MMP17: variants seen among roughly 807,000 people sequenced by gnomAD.
The protein encoded by MMP17 is matrix metalloproteinase-17.
A neutral mutation model predicts 49.1 loss-of-function variants in MMP17; 54 were observed. The observed-to-expected ratio is 1.10, with a 90% CI of 0.88 to 1.38. The LOEUF is 1.38. Ranked by LOEUF, MMP17 falls within the 40% of genes most tolerant of loss-of-function variation. MMP17 has a pLI of 0.00. For missense variants in MMP17, 837 were observed against 853.7 expected, an observed-to-expected ratio of 0.98 and a Z score of 0.24; for synonymous variants, 397 against 383.1, an observed-to-expected ratio of 1.04 and a Z score of -0.42.
chr12:131,847,840 A>C (rs1887786896), intron 8 of MMP17, among the ~76,000 whole-genome samples: 1 of 152,156 alleles, frequency 6.6e-6, no homozygotes, highest in South Asian at 2.1e-4. Context: ...ACTTGAGAAC[A>C]TGTGGGTCTC....
intron 8 of MMP17, among the ~76,000 whole-genome samples, chr12:131,848,604 G>A (rs979297400): frequency 5.3e-5 from 8 of 152,004 alleles, no homozygotes; most frequent in African/African-American, 1.4e-4. Flanking sequence ...CCTCCCCTGG[G>A]CACCCCCACT....
chr12:131,834,008 C>T (rs1309088972), intron 1 of MMP17, among the ~76,000 whole-genome samples: 1 of 152,236 alleles, frequency 6.6e-6, no homozygotes, highest in Non-Finnish European at 1.5e-5. Context: ...TGTCAGACAA[C>T]AAGCATGGCT....
At position 131,828,673 on chromosome 12, in the gene MMP17, G is replaced by C; in HGVS notation, c.159+20G>C. On this transcript the variant is annotated intron_variant, in intron 1 of 9. Coordinates refer to ENST00000360564, the MANE Select transcript of MMP17 (RefSeq NM_016155.7). ...GGAGTGGTGAGCGCGCGGGCGGGAC[G>C]GGCGCGGAGCTCCTGGGCCGGAGCC... is the stretch of plus-strand genomic sequence containing the variant. The C allele has an allele frequency of 2.9e-6, 1 of 340,896 alleles. No homozygotes were observed. The allele number at this position is 340,896 out of a possible 1,614,324, so 21.1% of individuals were successfully genotyped here.
At chr12:131,836,493 G>A (rs1241706366) in intron 1 of MMP17, among the ~76,000 whole-genome samples, 2 of 148,812 alleles carry the variant, frequency 1.3e-5, no homozygotes, top group Admixed American at 6.7e-5. Flanking sequence ...TTTTTTTTAG[G>A]ATTTCTTTAA....
intron 1 of MMP17, among the ~76,000 whole-genome samples, chr12:131,835,758 C>T (rs779989738): frequency 3.3e-5 from 5 of 152,214 alleles, no homozygotes; most frequent in African/African-American, 4.8e-5. Context: ...TGAGGAAACT[C>T]CAGAGTGCTT....
At chr12:131,838,439 G>A (rs935327277) in intron 2 of MMP17, 112 bp downstream of exon 2, 3 of 1,476,210 alleles carry the variant, frequency 2.0e-6, no homozygotes, top group African/African-American at 1.4e-5. Context: ...ATGAACCTGG[G>A]TCCTGGCCTG....
chr12:131,829,488 G>A (rs1235099161), intron 1 of MMP17, among the ~76,000 whole-genome samples: 1 of 152,128 alleles, frequency 6.6e-6, no homozygotes, highest in Non-Finnish European at 1.5e-5. Flanking sequence ...GTGAACTCCC[G>A]CTGGGTTCGT....
chr12:131,851,063 C>T lies in MMP17; in HGVS notation c.1601C>T (p.Ala534Val), dbSNP rs538789299. The T allele has an allele frequency of 7.5e-6, 12 of 1,607,260 alleles. No individual in the cohort carries two copies. The highest frequency in any genetic ancestry group is 5.5e-5 in the South Asian group (5 of 90,168). ...TCACAGGCCGATGGATCTGTGGCTG[C>T]GGGCGTGGACGCGGCAGAGGGGCCC... ...GDSQADGSVA[A>V]GVDAAEGPRA... Residue 534 changes from alanine (A) to valine (V), a missense_variant, in exon 10 of 10, where the codon GCG (alanine) becomes GTG (valine). By Grantham distance (64) the Ala-to-Val change is moderately conservative. Coordinates refer to ENST00000360564, the MANE Select transcript of MMP17 (RefSeq NM_016155.7).
intron 5 of MMP17, among the ~76,000 whole-genome samples, chr12:131,842,008 C>A (rs1887442743): frequency 6.6e-6 from 1 of 152,244 alleles, no homozygotes; most frequent in Admixed American, 6.5e-5. Flanking sequence ...CACCTCTGCG[C>A]CCCAGACACT....
chr12:131,836,035 C>T (rs747815037), intron 1 of MMP17, among the ~76,000 whole-genome samples: 2 of 152,196 alleles, frequency 1.3e-5, no homozygotes, highest in Non-Finnish European at 2.9e-5. Context: ...ACCCCCAAGG[C>T]CCCTCCAGAG....
chr12:131,837,166 G>C (rs1345232980), intron 1 of MMP17, among the ~76,000 whole-genome samples: 1 of 152,216 alleles, frequency 6.6e-6, no homozygotes, highest in Non-Finnish European at 1.5e-5. Flanking sequence ...CCACGTCCTG[G>C]CTCACGTCCT....
intron 9 of MMP17, 27 bp downstream of exon 9, chr12:131,850,086 A>T: frequency 6.3e-7 from 1 of 1,581,054 alleles, no homozygotes. Context: ...GGGACGGGCC[A>T]TGCGGCCTTG....
At chr12:131,844,457 G>A in intron 6 of MMP17, 1 of 299,984 alleles carries the variant, frequency 3.3e-6, no homozygotes, top group Non-Finnish European at 6.2e-6. Context: ...TTCACTGCCG[G>A]GGCCCACATC....
chr12:131,840,139 T>A (rs28423021), intron 3 of MMP17: 4,411 of 162,080 alleles, frequency 0.027, 214 homozygotes, highest in African/African-American at 0.099. Context: ...GGACGTGAAT[T>A]TGGCGGGACA....
chr12:131,838,084 TAGGGGGCTGGG>T, intron 1 of MMP17, 100 bp from the exon 2 acceptor site: 1 of 1,360,152 alleles, frequency 7.4e-7, no homozygotes, highest in South Asian at 1.5e-5. Flanking sequence ...TGTGGGCAGA[TAGGGGGCTGGG>T]AGGGGGCCTG....
intron 1 of MMP17, 113 bp from the exon 2 acceptor site, chr12:131,838,082 G>T (rs1887173218): frequency 7.4e-7 from 1 of 1,350,342 alleles, no homozygotes; most frequent in African/African-American, 1.5e-5. Context: ...CTTGTGGGCA[G>T]ATAGGGGGCT....
At chr12:131,850,132 A>C in intron 9 of MMP17, 73 bp downstream of exon 9, 3 of 1,478,692 alleles carry the variant, frequency 2.0e-6, no homozygotes, top group Non-Finnish European at 2.7e-6. Flanking sequence ...ACTACAGGGC[A>C]GCCAAGAGGT....
Position 131,846,438 on chromosome 12 carries a change from G to A in MMP17, c.1204+989G>A, listed in dbSNP as rs922796878. On this transcript the variant is annotated intron_variant, in intron 8 of 9. Transcript: ENST00000360564. This position sits in a 1 kb window ranked among gnomAD's most constrained non-coding sequence, Gnocchi z 4.6. ...GTTGCCCAGGCTGGAATGCAATGGTGTGATCTCAGCTCACTGCAACCTTCA... is the reference window on the plus strand; with the variant it reads ...GTTGCCCAGGCTGGAATGCAATGGTATGATCTCAGCTCACTGCAACCTTCA... Among the ~76,000 whole-genome samples the A allele has an allele frequency of 5.3e-5, 8 of 152,156 alleles. No homozygotes were observed. The highest frequency in any genetic ancestry group is 2.6e-4 in the Admixed American group (4 of 15,276).
At chr12:131,841,565 C>G (rs1220677609) in intron 4 of MMP17, 59 bp from the exon 5 acceptor site, 1 of 1,579,588 alleles carries the variant, frequency 6.3e-7, no homozygotes, top group East Asian at 2.2e-5. Flanking sequence ...CTGCTGGTCC[C>G]TCCCCGCGGG....
Sources: gnomAD v4.1 joint callset for allele counts (sites outside exome capture counted in the v4.1 genomes callset) on GRCh38, gnomAD v4.1.1 for gene constraint, Gnocchi (gnomAD v3.1) non-coding constraint, MANE v1.5 for transcripts, NCBI Gene and HGNC (gene_info 2026-07-23, HGNC 2026-07-21) for gene names.